ATXN10: variants seen among roughly 807,000 people sequenced by gnomAD.
ATXN10 encodes ataxin-10.
In ATXN10, 28 loss-of-function variants were observed where a neutral mutation model predicts 52.9. The observed-to-expected ratio is 0.53, with a 90% CI of 0.39 to 0.73. The LOEUF (loss-of-function observed/expected upper bound fraction) is 0.73, where lower values mean the gene tolerates loss of function less well. ATXN10 is among the 30% of genes least tolerant of loss of function. The pLI, the probability that ATXN10 is intolerant of heterozygous loss-of-function variation, is 0.00. For synonymous variants in ATXN10, 226 were observed against 221.5 expected, an observed-to-expected ratio of 1.02 and a Z score of -0.18; for missense variants, 565 against 577.0, an observed-to-expected ratio of 0.98 and a Z score of 0.21.
At position 45,818,877 on chromosome 22, in the gene ATXN10, C is replaced by G. The variant is rs929043; in HGVS notation, c.1237+11855C>G. ...AAGGACCTGCTCCTTAGAGCCAAGC[C>G]CCGTGACTGATGCAGGCTGATGGCA... On this transcript the variant is annotated intron_variant, in intron 10 of 11. Transcript: ENST00000252934. This position sits in a 1 kb window ranked among gnomAD's most constrained non-coding sequence, Gnocchi z 4.6. Among the ~76,000 whole-genome samples, 3,965 of 152,194 alleles carry G rather than the reference C, an allele frequency of 0.026. 91 individuals are homozygous for G. The highest frequency in any genetic ancestry group is 0.039 in the Non-Finnish European group (2,660 of 68,004).
rs141434930 is a variant in ATXN10, at chr22:45,729,600, G to T, written c.894+10G>T. The T allele has an allele frequency of 5.9e-3, 9,565 of 1,613,894 alleles. 38 individuals are homozygous for T. The highest frequency in any genetic ancestry group is 7.2e-3 in the Non-Finnish European group (8,542 of 1,179,934). On this transcript the variant is annotated intron_variant, in intron 7 of 11. Transcript: ENST00000252934. ...GCCTCCTGATGATGAGGTAAGGGAG[G>T]CAGATTTCCCAATCTCGGGTAAAAG...
At chr22:45,812,016 C>A (rs1569074897) in intron 10 of ATXN10, among the ~76,000 whole-genome samples, 1 of 152,146 alleles carries the variant, frequency 6.6e-6, no homozygotes, top group Non-Finnish European at 1.5e-5. Context: ...TTCAGCATTC[C>A]CCAGGCACAC....
rs1922919929 is a variant in ATXN10 at position 45,681,477 on chromosome 22, C to A, written c.117-8235C>A. Among the ~76,000 whole-genome samples, 1 of 152,130 alleles carries A rather than the reference C, an allele frequency of 6.6e-6. No individual in the cohort carries two copies. The highest frequency in any genetic ancestry group is 2.4e-5 in the African/African-American group (1 of 41,418). On this transcript the variant is annotated intron_variant, in intron 1 of 11. Coordinates refer to ENST00000252934, the MANE Select transcript of ATXN10 (RefSeq NM_013236.4). This position sits in a 1 kb window ranked among gnomAD's most constrained non-coding sequence, Gnocchi z 4.2. ...TACTACCCCTTTTGTTTTTCATTCC[C>A]CTTCTTAATGTTCACATTCCCATCT...
At chr22:45,710,272 T>C (rs1924195300) in intron 5 of ATXN10, among the ~76,000 whole-genome samples, 1 of 152,210 alleles carries the variant, frequency 6.6e-6, no homozygotes. Flanking sequence ...TGTTTTTCTT[T>C]GAATACTCCA....
At chr22:45,794,092 G>A (rs538391235) in intron 9 of ATXN10, among the ~76,000 whole-genome samples, 10 of 152,278 alleles carry the variant, frequency 6.6e-5, no homozygotes, top group East Asian at 1.9e-4. Context: ...GGAAAGGGGC[G>A]GTAACTTCTG....
rs1186051455 is a variant in ATXN10 at position 45,770,025 on chromosome 22, G to A, written c.1173+29487G>A. On this transcript the variant is annotated intron_variant, in intron 9 of 11. Transcript: ENST00000252934. This position sits in a 1 kb window ranked among gnomAD's most constrained non-coding sequence, Gnocchi z 4.5. ...TGTGGCCCAGATGGCAAGACTAAGA[G>A]CTGAAGAAGGGCGGCTTAGGGTTTC... Among the ~76,000 whole-genome samples the A allele has an allele frequency of 1.3e-5, 2 of 152,224 alleles. No homozygotes were observed. The highest frequency in any genetic ancestry group is 4.8e-5 in the African/African-American group (2 of 41,470).
chr22:45,735,300 T>C (rs1925250584), intron 7 of ATXN10, among the ~76,000 whole-genome samples: 1 of 152,148 alleles, frequency 6.6e-6, no homozygotes, highest in African/African-American at 2.4e-5. Context: ...CACTAATTTT[T>C]TTTTTTTAAT....
chr22:45,754,099 G>A lies in ATXN10; in HGVS notation c.1173+13561G>A, dbSNP rs1279531525. Reference sequence around the variant, plus strand: ...CTGCCCAGTGGCAGGACGCAACCTGGGTTCCTGAGCCTTATGGGGTTAAGT... The same window carrying A: ...CTGCCCAGTGGCAGGACGCAACCTGAGTTCCTGAGCCTTATGGGGTTAAGT... On this transcript the variant is annotated intron_variant, in intron 9 of 11. Coordinates refer to ENST00000252934, the MANE Select transcript of ATXN10 (RefSeq NM_013236.4). This position sits in a 1 kb window ranked among gnomAD's most constrained non-coding sequence, Gnocchi z 5.4. 1.3e-5 allele frequency among the ~76,000 whole-genome samples: 2 copies of A among 151,066 alleles called. No homozygotes were observed. The highest frequency in any genetic ancestry group is 3.0e-5 in the Non-Finnish European group (2 of 67,324).
At chr22:45,687,762 A>G (rs998887839) in intron 1 of ATXN10, among the ~76,000 whole-genome samples, 1 of 152,064 alleles carries the variant, frequency 6.6e-6, no homozygotes, top group Non-Finnish European at 1.5e-5. Context: ...AAGCTACCTT[A>G]AGAATGTTAG....
rs1926921939 is a variant in ATXN10, at chr22:45,775,528, G to A, written c.1174-31431G>A. On this transcript the variant is annotated intron_variant, in intron 9 of 11. Transcript: ENST00000252934. This position sits in a 1 kb window ranked among gnomAD's most constrained non-coding sequence, Gnocchi z 4.7. ...CAGGTTCAGAAATAGTTATTCTGTA[G>A]TGTCTCAGTTTTATTAAAATGCAGT... Among the ~76,000 whole-genome samples the A allele has an allele frequency of 6.6e-6, 1 of 152,168 alleles. No homozygotes were observed.
In ATXN10 at chr22:45,750,123, A is replaced by G. The variant is rs184134744; in HGVS notation, c.1173+9585A>G. On this transcript the variant is annotated intron_variant, in intron 9 of 11. Transcript: ENST00000252934. This position sits in a 1 kb window ranked among gnomAD's most constrained non-coding sequence, Gnocchi z 4.2. ...AATTTAATTTAATTTTATTTTTGAG[A>G]CAGGGTCTTGCTTTTGTCACCCAGG... Among the ~76,000 whole-genome samples, 171 of 151,380 alleles carry G rather than the reference A, an allele frequency of 1.1e-3. No homozygotes were observed. Among genetic ancestry groups the G allele is most frequent in the Middle Eastern group, 3.4e-3 (1 of 292 alleles).
In ATXN10 at chr22:45,789,325, C is replaced by T. The variant is rs1282290758; in HGVS notation, c.1174-17634C>T. On this transcript the variant is annotated intron_variant, in intron 9 of 11. Transcript: ENST00000252934. The surrounding 1 kb of genome is among the most constrained non-coding windows in gnomAD (Gnocchi z 4.0). ...ACGTATCTGTTGGTTATATTTGGAC[C>T]CTGCAAGGGTGGAAGGTGAGCTTTT... Among the ~76,000 whole-genome samples, 1 of 152,136 alleles carries T rather than the reference C, an allele frequency of 6.6e-6. No individual in the cohort carries two copies. Among genetic ancestry groups the T allele is most frequent in the African/African-American group, 2.4e-5 (1 of 41,436 alleles).
chr22:45,769,439 C>G lies in ATXN10; in HGVS notation c.1173+28901C>G, dbSNP rs1265217091. ...TCCTGCCCGATGAGGGCACAGAAGG[C>G]CCCCAATGCCACAGTATAGGGGGAA... On this transcript the variant is annotated intron_variant, in intron 9 of 11. Transcript: ENST00000252934. The surrounding 1 kb of genome is among the most constrained non-coding windows in gnomAD (Gnocchi z 4.2). 6.6e-6 allele frequency among the ~76,000 whole-genome samples: 1 copy of G among 151,908 alleles called. No homozygotes were observed. Among genetic ancestry groups the G allele is most frequent in the Non-Finnish European group, 1.5e-5 (1 of 67,988 alleles).
rs1450316315 is a variant in ATXN10 at position 45,842,587 on chromosome 22, C to T, written c.1238-404C>T. Among the ~76,000 whole-genome samples, 1 of 152,148 alleles carries T rather than the reference C, an allele frequency of 6.6e-6. No homozygotes were observed. The highest frequency in any genetic ancestry group is 2.4e-5 in the African/African-American group (1 of 41,422). ...CTTTAGTGCTCTTCTTATTCTTTCC[C>T]TAGTGAGTCAGTAACATAATTATTC... is the stretch of plus-strand genomic sequence containing the variant. On this transcript the variant is annotated intron_variant, in intron 10 of 11. Coordinates refer to ENST00000252934, the MANE Select transcript of ATXN10 (RefSeq NM_013236.4). This position sits in a 1 kb window ranked among gnomAD's most constrained non-coding sequence, Gnocchi z 4.8.
rs1372529662 is a variant in ATXN10, at chr22:45,684,695, T to C, written c.117-5017T>C. On this transcript the variant is annotated intron_variant, in intron 1 of 11. Coordinates refer to ENST00000252934, the MANE Select transcript of ATXN10 (RefSeq NM_013236.4). This position sits in a 1 kb window ranked among gnomAD's most constrained non-coding sequence, Gnocchi z 4.1. Reference sequence around the variant, plus strand: ...CTCTCTGACCCTTTACAGAAAAAGTTTGTGACCCTGCAAAATGGATTGGTC... The same window carrying C: ...CTCTCTGACCCTTTACAGAAAAAGTCTGTGACCCTGCAAAATGGATTGGTC... Among the ~76,000 whole-genome samples the C allele has an allele frequency of 6.6e-6, 1 of 152,094 alleles. No homozygotes were observed. Among genetic ancestry groups the C allele is most frequent in the Non-Finnish European group, 1.5e-5 (1 of 68,006 alleles).
intron 5 of ATXN10, among the ~76,000 whole-genome samples, chr22:45,711,324 A>G (rs1034834654): frequency 3.3e-5 from 5 of 152,190 alleles, no homozygotes; most frequent in Non-Finnish European, 7.3e-5. Flanking sequence ...TTGAAATGAC[A>G]AAATTACAGA....
intron 7 of ATXN10, 97 bp downstream of exon 7, chr22:45,729,687 A>T (rs1387038912): frequency 1.7e-5 from 22 of 1,318,404 alleles, no homozygotes; most frequent in Admixed American, 7.3e-5. Context: ...TAAAAGCTTT[A>T]AAAAATATTA....
At position 45,805,671 on chromosome 22, in the gene ATXN10, A is replaced by G. The variant is rs74844428; in HGVS notation, c.1174-1288A>G. Among the ~76,000 whole-genome samples the G allele has an allele frequency of 0.089, 13,501 of 152,164 alleles. 772 individuals are homozygous for G. The highest frequency in any genetic ancestry group is 0.16 in the Middle Eastern group (48 of 294). ...GCAAATCCAGAGAGACAGGAAGTAG[A>G]AGGATAGTTGCCAAGGACTGGGGGG... On this transcript the variant is annotated intron_variant, in intron 9 of 11. Transcript: ENST00000252934. The surrounding 1 kb of genome is among the most constrained non-coding windows in gnomAD (Gnocchi z 4.4).
chr22:45,793,805 T>C (rs1927607544), intron 9 of ATXN10: 2 of 1,313,206 alleles, frequency 1.5e-6, no homozygotes, highest in African/African-American at 1.5e-5. Context: ...GGACTTAGCC[T>C]GGGAAGGTTC....
Sources: gnomAD v4.1 joint callset for allele counts (sites outside exome capture counted in the v4.1 genomes callset) on GRCh38, gnomAD v4.1.1 for gene constraint, Gnocchi (gnomAD v3.1) non-coding constraint, MANE v1.5 for transcripts, NCBI Gene and HGNC (gene_info 2026-07-23, HGNC 2026-07-21) for gene names.